The following BICD1 variants were observed in gnomAD, a reference collection of about 807,000 sequenced individuals.
BICD1 encodes protein bicaudal D homolog 1.
Under a neutral mutation model 92.5 loss-of-function variants are expected in BICD1, and 35 were observed. That is an observed-to-expected ratio of 0.38 (90% CI 0.29 to 0.50). The LOEUF is 0.50. Among genes scored for constraint, BICD1 ranks in the 20% least tolerant of loss-of-function variants. BICD1 has a pLI of 0.93. For missense variants in BICD1, 950 were observed against 1,189.8 expected, an observed-to-expected ratio of 0.80 and a Z score of 2.97; for synonymous variants, 429 against 465.1, an observed-to-expected ratio of 0.92 and a Z score of 1.00.
chr12:32,356,620 G>T (rs868257469), intron 8 of BICD1, among the ~76,000 whole-genome samples: 40 of 150,868 alleles, frequency 2.7e-4, no homozygotes, highest in African/African-American at 9.7e-4. Flanking sequence ...GTGACAGAGT[G>T]AGACTCCATC....
At position 32,107,381 on chromosome 12, in the gene BICD1, T is replaced by G. The variant is rs754697901; in HGVS notation, c.50T>G (p.Ile17Arg). Residue 17 changes from isoleucine (I) to arginine (R), a missense_variant, in exon 1 of 10, where the codon ATA (isoleucine) becomes AGA (arginine). Ile to Arg is a moderately conservative substitution (Grantham distance 97, BLOSUM62 -3). Around this residue, in one of 5 missense-constraint regions of BICD1, gnomAD observed 202 missense variants for 205.3 expected, o/e 0.98. Transcript: ENST00000652176. ...ACGGTGGACCATTATAAGACTGAGA[T>G]AGAGAGGCTAACCAAGGAGCTCACG... ...LQTVDHYKTE[I>R]ERLTKELTET... is the part of the protein sequence containing the mutation. 6.2e-7 allele frequency: 1 copy of G among 1,611,098 alleles called. No homozygotes were observed. The highest frequency in any genetic ancestry group is 1.3e-5 in the African/African-American group (1 of 74,894).
intron 1 of BICD1, among the ~76,000 whole-genome samples, chr12:32,154,761 A>G (rs1195076740): frequency 6.6e-6 from 1 of 152,194 alleles, no homozygotes; most frequent in Non-Finnish European, 1.5e-5. Flanking sequence ...ATCAAAGTAG[A>G]TGTTCATTTT....
chr12:32,245,652 T>C (rs751080847), intron 2 of BICD1, among the ~76,000 whole-genome samples: 6 of 151,544 alleles, frequency 4.0e-5, no homozygotes, highest in Non-Finnish European at 7.4e-5. Context: ...AATATTGCAA[T>C]ATAGTGTTAC....
At chr12:32,202,858 G>T (rs771706308) in intron 1 of BICD1, among the ~76,000 whole-genome samples, 2 of 152,112 alleles carry the variant, frequency 1.3e-5, no homozygotes, top group African/African-American at 4.8e-5. Flanking sequence ...AGATCTGCCC[G>T]CCTCAGCCTC....
intron 2 of BICD1, among the ~76,000 whole-genome samples, chr12:32,232,406 A>G (rs1369721779): frequency 6.6e-6 from 1 of 151,966 alleles, no homozygotes; most frequent in East Asian, 1.9e-4. Flanking sequence ...GTGTCTGTTC[A>G]TGTCCTTCAC....
rs1592742490 is a variant in BICD1, at chr12:32,382,204, T to C, written c.*4577T>C. The C allele has an allele frequency of 6.6e-6, 1 of 152,114 alleles. No homozygotes were observed. The highest frequency in any genetic ancestry group is 2.4e-5 in the African/African-American group (1 of 41,458). 9.4% of individuals were successfully genotyped at this position (152,114 alleles called of 1,614,324 possible). A position where few individuals can be genotyped will look rare whatever the true frequency, so the allele number is the denominator to read the frequency against. ...TCGTATTATGTTTACAGCTGAAAGA[T>C]TTCATCTAGACATGTCTTTCGTCCT... On this transcript the variant is annotated 3_prime_UTR_variant, in exon 10 of 10. Transcript: ENST00000652176.
At chr12:32,137,001 G>A (rs1942755587) in intron 1 of BICD1, among the ~76,000 whole-genome samples, 1 of 152,124 alleles carries the variant, frequency 6.6e-6, no homozygotes, top group South Asian at 2.1e-4. Context: ...TTAATACCTG[G>A]AGCTAAAACA....
rs77269083 is a variant in BICD1, at chr12:32,308,752, G to C, written c.1005+2630G>C. On this transcript the variant is annotated intron_variant, in intron 4 of 9. Transcript: ENST00000652176. Reference sequence around the variant, plus strand: ...AAAATGTTAGGGTGAGAAAAACTTTGCTGGATAAACCCTCCATCAGTCTAT... The same window carrying C: ...AAAATGTTAGGGTGAGAAAAACTTTCCTGGATAAACCCTCCATCAGTCTAT... Among the ~76,000 whole-genome samples the C allele has an allele frequency of 3.3e-3, 510 of 152,274 alleles. 2 individuals are homozygous for C. The highest frequency in any genetic ancestry group is 4.6e-3 in the Non-Finnish European group (313 of 68,022).
intron 4 of BICD1, among the ~76,000 whole-genome samples, chr12:32,320,049 C>G (rs1364651000): frequency 6.6e-6 from 1 of 152,060 alleles, no homozygotes; most frequent in African/African-American, 2.4e-5. Context: ...CTATCTTGAT[C>G]TTTTTTCATA....
rs1457486709 is a variant in BICD1 at position 32,107,548 on chromosome 12, A to G, written c.213+4A>G. ...GGAGCTGGAGCAGCTCAAAGAGGTG[A>G]GTTGCCTGTCACCTCTCCCTTTCCT... On this transcript the variant is annotated splice_donor_region_variant and intron_variant, in intron 1 of 9. Transcript: ENST00000652176. The G allele has an allele frequency of 3.8e-6, 6 of 1,573,530 alleles. No individual in the cohort carries two copies. The East Asian group carries it at 1.4e-4, about 36-fold the overall frequency.
chr12:32,172,405 G>C (rs1312314767), intron 1 of BICD1, among the ~76,000 whole-genome samples: 3 of 152,168 alleles, frequency 2.0e-5, no homozygotes, highest in Admixed American at 2.0e-4. Flanking sequence ...ACTCACACTT[G>C]AATCTCTGAT....
rs1251269869 is a variant in BICD1, at chr12:32,382,489, T to C, written c.*4862T>C. The C allele has an allele frequency of 6.6e-6, 1 of 152,020 alleles. No individual in the cohort carries two copies. The highest frequency in any genetic ancestry group is 1.5e-5 in the Non-Finnish European group (1 of 67,916). 9.4% of individuals were successfully genotyped at this position (152,020 alleles called of 1,614,324 possible). On this transcript the variant is annotated 3_prime_UTR_variant, in exon 10 of 10. Coordinates refer to ENST00000652176, the MANE Select transcript of BICD1 (RefSeq NM_001714.4). Reference sequence around the variant, plus strand: ...TCTGTCCATTAGGAAAGTAAGGAGATTGTTATCTATATCTAGTCTCCTTTC... The same window carrying C: ...TCTGTCCATTAGGAAAGTAAGGAGACTGTTATCTATATCTAGTCTCCTTTC...
At position 32,378,076 on chromosome 12, in the gene BICD1, T is replaced by G. The variant is rs1940050554; in HGVS notation, c.*449T>G. 1.3e-5 allele frequency: 2 copies of G among 152,982 alleles called. No individual in the cohort carries two copies. The highest frequency in any genetic ancestry group is 2.9e-5 in the Non-Finnish European group (2 of 68,532). 9.5% of individuals were successfully genotyped at this position (152,982 alleles called of 1,614,324 possible). On this transcript the variant is annotated 3_prime_UTR_variant, in exon 10 of 10. Transcript: ENST00000652176. ...TACTTTATTTGCTACATGATTTATG[T>G]CTATACAAATAATTTCTCTGAGGTG...
intron 1 of BICD1, among the ~76,000 whole-genome samples, chr12:32,134,419 T>G (rs1287208223): frequency 6.6e-6 from 1 of 152,188 alleles, no homozygotes; most frequent in Non-Finnish European, 1.5e-5. Context: ...TGGGATATTG[T>G]GTTCTAGGTA....
At chr12:32,188,215 G>C (rs959329304) in intron 1 of BICD1, among the ~76,000 whole-genome samples, 3 of 152,166 alleles carry the variant, frequency 2.0e-5, no homozygotes, top group African/African-American at 7.2e-5. Context: ...TGGGATTACA[G>C]TCATGAGCCA....
intron 2 of BICD1, among the ~76,000 whole-genome samples, chr12:32,287,709 T>C (rs1947610531): frequency 6.6e-6 from 1 of 152,282 alleles, no homozygotes; most frequent in African/African-American, 2.4e-5. Flanking sequence ...GTTACTTTTT[T>C]ATATTTTTTA....
chr12:32,179,692 A>G (rs1944214995), intron 1 of BICD1, among the ~76,000 whole-genome samples: 1 of 151,942 alleles, frequency 6.6e-6, no homozygotes, highest in South Asian at 2.1e-4. Context: ...TGAAGTAATT[A>G]ATACCTTTGT....
intron 1 of BICD1, among the ~76,000 whole-genome samples, chr12:32,117,839 C>T (rs1158958820): frequency 1.3e-5 from 2 of 149,300 alleles, no homozygotes; most frequent in African/African-American, 2.5e-5. Context: ...CAACCTCCAC[C>T]TCCCAGTTTC....
At chr12:32,135,638 C>T (rs1203278698) in intron 1 of BICD1, among the ~76,000 whole-genome samples, 4 of 151,954 alleles carry the variant, frequency 2.6e-5, no homozygotes, top group African/African-American at 4.8e-5. Flanking sequence ...TTGCCTCAAG[C>T]GATCTTCTGC....
Sources: allele counts gnomAD v4.1 joint callset (sites outside exome capture counted in the v4.1 genomes callset), GRCh38; gene constraint gnomAD v4.1.1; regional missense constraint gnomAD v4.1.1; transcripts MANE v1.5; gene names NCBI Gene and HGNC (gene_info 2026-07-23, HGNC 2026-07-21).